Variants in TBX15 observed in about 807,000 individuals in gnomAD.
TBX15 encodes T-box transcription factor TBX15.
TBX15 carries 18 observed loss-of-function variants against 53.9 expected under a neutral mutation model. The ratio of observed to expected loss-of-function variants is 0.33; its 90% confidence interval spans 0.23 to 0.49. TBX15 has a LOEUF of 0.49. Among genes scored for constraint, TBX15 ranks in the 20% least tolerant of loss-of-function variants. The pLI is 0.98. For missense variants in TBX15, 692 were observed against 749.5 expected (o/e 0.92, Z 0.90); for synonymous variants, 295 against 278.0 (o/e 1.06, Z -0.61).
intron 1 of TBX15, among the ~76,000 whole-genome samples, chr1:118,943,188 T>C (rs553868163): frequency 6.6e-6 from 1 of 152,318 alleles, no homozygotes; most frequent in Non-Finnish European, 1.5e-5. Context: ...AAAATGACCA[T>C]ATGCGTTAAG....
intron 1 of TBX15, among the ~76,000 whole-genome samples, chr1:118,973,342 T>C (rs1431171487): frequency 1.3e-5 from 2 of 152,120 alleles, no homozygotes; most frequent in African/African-American, 4.8e-5. Flanking sequence ...TTCTAGTATA[T>C]GAAGGCTGTC....
In TBX15 at chr1:118,931,818, T is replaced by A; in HGVS notation, c.220A>T (p.Thr74Ser). 2 of 1,579,706 alleles carry A rather than the reference T, an allele frequency of 1.3e-6. No homozygotes were observed. The highest frequency in any genetic ancestry group is 1.7e-6 in the Non-Finnish European group (2 of 1,160,470). The stretch of plus-strand genomic sequence containing the variant: ...GTGAGGACCTCAGAATCTGAACCAG[T>A]GCTCTGCTCAGAATCTGCAAAATAA... ...LEPHPDSEQSTGSDSEVLTER... is the reference protein window; with the variant it reads ...LEPHPDSEQSSGSDSEVLTER... The change falls in exon 2 of 8, where the codon ACT becomes TCT. Residue 74 changes from threonine to serine, a missense_variant. By Grantham distance (58) the Thr-to-Ser change is moderately conservative. Coordinates refer to ENST00000369429, the MANE Select transcript of TBX15 (RefSeq NM_001330677.2).
At chr1:118,984,898 A>G (rs1026004017) in intron 1 of TBX15, among the ~76,000 whole-genome samples, 2 of 152,194 alleles carry the variant, frequency 1.3e-5, no homozygotes, top group African/African-American at 4.8e-5. Flanking sequence ...TCGGGCGCCA[A>G]CTAAAGCCAG....
intron 1 of TBX15, among the ~76,000 whole-genome samples, chr1:118,961,972 A>G (rs143579956): frequency 0.017 from 2,614 of 152,370 alleles, 32 homozygotes; most frequent in South Asian, 0.048. Context: ...ATGGATGTTT[A>G]CTGAAGAACT....
intron 1 of TBX15, among the ~76,000 whole-genome samples, chr1:118,957,433 A>T (rs1656726879): frequency 6.6e-6 from 1 of 152,202 alleles, no homozygotes; most frequent in Admixed American, 6.5e-5. Flanking sequence ...GACACCAAAA[A>T]TTTCAGCAAT....
chr1:118,968,499 G>A (rs1035152210), intron 1 of TBX15, among the ~76,000 whole-genome samples: 7 of 152,262 alleles, frequency 4.6e-5, no homozygotes, highest in East Asian at 3.9e-4. Flanking sequence ...GAACCACTAC[G>A]CCCAGCCTAA....
rs547285822 is a variant in TBX15 at position 118,885,715 on chromosome 1, A to T, written c.1025-199T>A. On this transcript the variant is annotated intron_variant, in intron 7 of 7. Transcript: ENST00000369429. ...CATATACACAGTCATACAGTCTCTCACACACACACACACACACACTCCAGA... is the reference window on the plus strand; with the variant it reads ...CATATACACAGTCATACAGTCTCTCTCACACACACACACACACACTCCAGA... Among the ~76,000 whole-genome samples, 1,723 of 150,450 alleles carry T rather than the reference A, an allele frequency of 0.011. 35 individuals carry two copies. The highest frequency in any genetic ancestry group is 0.038 in the African/African-American group (1,558 of 41,176).
intron 1 of TBX15, among the ~76,000 whole-genome samples, chr1:118,947,023 C>T (rs1460899543): frequency 6.6e-6 from 1 of 152,216 alleles, no homozygotes; most frequent in African/African-American, 2.4e-5. Context: ...AGTCCAATCC[C>T]CTCACTGGGG....
intron 4 of TBX15, 83 bp downstream of exon 4, chr1:118,924,563 A>G: frequency 6.5e-7 from 1 of 1,539,248 alleles, no homozygotes; most frequent in Admixed American, 1.7e-5. Context: ...TATTTTACCT[A>G]TTTGAAAAAG....
At chr1:118,893,466 AAAGGAAGGAAGG>A (rs879291100) in intron 7 of TBX15, among the ~76,000 whole-genome samples, 4 of 97,200 alleles carry the variant, frequency 4.1e-5, no homozygotes, top group African/African-American at 2.1e-4. Flanking sequence ...GGAAGGAAAG[AAAGGAAGGAAGG>A]AAGGAAGGAA....
At chr1:118,908,637 T>C (rs1344538310) in intron 6 of TBX15, among the ~76,000 whole-genome samples, 1 of 152,054 alleles carries the variant, frequency 6.6e-6, no homozygotes, top group Admixed American at 6.6e-5. Context: ...TTCCCTCCTA[T>C]TGCAGAGACA....
intron 7 of TBX15, among the ~76,000 whole-genome samples, chr1:118,898,120 G>C (rs1227586511): frequency 6.6e-6 from 1 of 152,174 alleles, no homozygotes; most frequent in African/African-American, 2.4e-5. Context: ...AAAACTGGGT[G>C]TCAGAAAAGT....
At position 118,902,301 on chromosome 1, in the gene TBX15, A is replaced by G. The variant is rs1249138289; in HGVS notation, c.927-3176T>C. On this transcript the variant is annotated intron_variant, in intron 6 of 7. Coordinates refer to ENST00000369429, the MANE Select transcript of TBX15 (RefSeq NM_001330677.2). ...AATTATTAGAAGGTACTAGTTCTAT[A>G]TATCAATATTTGGTGTAGTGCCATG... is the stretch of plus-strand genomic sequence containing the variant. Among the ~76,000 whole-genome samples, 4 of 152,086 alleles carry G rather than the reference A, an allele frequency of 2.6e-5. No individual in the cohort carries two copies. The East Asian group carries it at 7.7e-4, about 29-fold the overall frequency.
intron 1 of TBX15, among the ~76,000 whole-genome samples, chr1:118,966,516 G>C (rs1657038658): frequency 6.6e-6 from 1 of 152,212 alleles, no homozygotes; most frequent in Non-Finnish European, 1.5e-5. Context: ...GAGGCCCTTA[G>C]AATGTAAAAT....
intron 6 of TBX15, 148 bp downstream of exon 6, chr1:118,913,967 G>A (rs927569819): frequency 2.4e-5 from 18 of 749,788 alleles, no homozygotes; most frequent in South Asian, 3.1e-5. Context: ...TGATTCTTAC[G>A]TTAGCTATCC....
Position 118,969,130 on chromosome 1 carries a change from T to C in TBX15, c.205+18461A>G, listed in dbSNP as rs539559161. ...ATCTGCACCATGTTCCTTAGCATCG[T>C]GGACAAATGGACTCATTCCCTGTAC... On this transcript the variant is annotated intron_variant, in intron 1 of 7. Coordinates refer to ENST00000369429, the MANE Select transcript of TBX15 (RefSeq NM_001330677.2). Among the ~76,000 whole-genome samples, 78 of 152,310 alleles carry C rather than the reference T, an allele frequency of 5.1e-4. No individual in the cohort carries two copies. The Middle Eastern group carries it at 0.014, about 27-fold the overall frequency.
At chr1:118,939,437 C>CAAAAAAAA (rs869077887) in intron 1 of TBX15, among the ~76,000 whole-genome samples, 1 of 84,678 alleles carries the variant, frequency 1.2e-5, no homozygotes, top group Admixed American at 1.6e-4. Context: ...AAAAAAAAAA[C>CAAAAAAAA]AAAAACAGGA....
intron 5 of TBX15, among the ~76,000 whole-genome samples, chr1:118,921,929 G>A (rs1655437280): frequency 6.6e-6 from 1 of 152,172 alleles, no homozygotes; most frequent in South Asian, 2.1e-4. Flanking sequence ...TCACAAAAGA[G>A]AACAATTTAT....
chr1:118,925,310 A>T (rs1655557476), intron 3 of TBX15, among the ~76,000 whole-genome samples: 2 of 152,354 alleles, frequency 1.3e-5, no homozygotes, highest in South Asian at 4.1e-4. Flanking sequence ...AGCCATGTGC[A>T]GAGCCCTCCC....
Sources: gnomAD v4.1 joint callset for allele counts (sites outside exome capture counted in the v4.1 genomes callset) on GRCh38, gnomAD v4.1.1 for gene constraint, MANE v1.5 for transcripts, NCBI Gene and HGNC (gene_info 2026-07-23, HGNC 2026-07-21) for gene names.